Variants in IQGAP2 observed in about 807,000 individuals in gnomAD.
IQGAP2 encodes IQ motif containing GTPase activating protein 2, also known as ras GTPase-activating-like protein IQGAP2.
In IQGAP2, 173 loss-of-function variants were observed where a neutral mutation model predicts 201.3. The observed-to-expected ratio is 0.86, with a 90% CI of 0.76 to 0.98. The LOEUF (loss-of-function observed/expected upper bound fraction) is 0.98, where lower values mean the gene tolerates loss of function less well. IQGAP2 is among the 50% of genes least tolerant of loss of function. IQGAP2 has a pLI of 0.00. For synonymous variants in IQGAP2, 675 were observed against 673.9 expected (o/e 1.00, Z -0.03); for missense variants, 1,687 against 1,864.8 (o/e 0.90, Z 1.76).
Position 76,611,188 on chromosome 5 carries a change from G to T in IQGAP2, c.1521+5G>T. 1 of 1,605,098 alleles carries T rather than the reference G, an allele frequency of 6.2e-7. No homozygotes were observed. The highest frequency in any genetic ancestry group is 8.5e-7 in the Non-Finnish European group (1 of 1,176,206). On this transcript the variant is annotated splice_donor_5th_base_variant and intron_variant, in intron 13 of 35. Transcript: ENST00000274364. ...GCTAAATCACAGAAACTCGGAGTAA[G>T]TTTTAGTATATCTGTTTCTTTTAAA...
chr5:76,447,488 C>T (rs1471089505), intron 1 of IQGAP2, among the ~76,000 whole-genome samples: 1 of 151,692 alleles, frequency 6.6e-6, no homozygotes, highest in East Asian at 2.0e-4. Flanking sequence ...CAAAAACAAA[C>T]AAACAAACAA....
At chr5:76,473,931 T>C (rs1755266442) in intron 2 of IQGAP2, among the ~76,000 whole-genome samples, 1 of 152,204 alleles carries the variant, frequency 6.6e-6, no homozygotes, top group Non-Finnish European at 1.5e-5. Context: ...TAAAACGGTA[T>C]CATTATTCAA....
intron 22 of IQGAP2, among the ~76,000 whole-genome samples, chr5:76,667,793 C>T (rs1743913124): frequency 6.6e-6 from 1 of 151,946 alleles, no homozygotes; most frequent in South Asian, 2.1e-4. Context: ...CTTTTTCTTT[C>T]CAGTCTGACA....
At chr5:76,697,760 T>C (rs553989983) in intron 32 of IQGAP2, among the ~76,000 whole-genome samples, 4 of 152,216 alleles carry the variant, frequency 2.6e-5, no homozygotes, top group Admixed American at 6.5e-5. Flanking sequence ...CAGAGCAAAA[T>C]TAATGTTAAC....
intron 29 of IQGAP2, 32 bp downstream of exon 29, chr5:76,683,249 GT>G: frequency 6.6e-7 from 1 of 1,516,016 alleles, no homozygotes; most frequent in African/African-American, 1.4e-5. Context: ...TTATCCCTTG[GT>G]TTTTGTTTAA....
At chr5:76,417,222 G>A (rs759979660) in intron 1 of IQGAP2, among the ~76,000 whole-genome samples, 58 of 152,192 alleles carry the variant, frequency 3.8e-4, no homozygotes, top group African/African-American at 2.2e-4. Flanking sequence ...GTGTTGAAAC[G>A]GGTTTATCAT....
chr5:76,516,929 T>A (rs559499743), intron 2 of IQGAP2, among the ~76,000 whole-genome samples: 44 of 152,312 alleles, frequency 2.9e-4, no homozygotes, highest in African/African-American at 8.9e-4. Flanking sequence ...AGACACTCCA[T>A]TTGTAAGTAC....
At chr5:76,424,104 T>C (rs1751870895) in intron 1 of IQGAP2, among the ~76,000 whole-genome samples, 1 of 152,188 alleles carries the variant, frequency 6.6e-6, no homozygotes, top group African/African-American at 2.4e-5. Flanking sequence ...ATATCCACTT[T>C]CTATTTTTTG....
Position 76,413,158 on chromosome 5 carries a change from T to C in IQGAP2, c.46+9567T>C, listed in dbSNP as rs1174022373. ...TTTTCTTTTTTCTTTTCTTTTCTCT[T>C]TTTTTTTTTTTTTTTTTTTTTTTTT... is the stretch of plus-strand genomic sequence containing the variant. On this transcript the variant is annotated intron_variant, in intron 1 of 35. Coordinates refer to ENST00000274364, the MANE Select transcript of IQGAP2 (RefSeq NM_006633.5). Among the ~76,000 whole-genome samples, 22 of 15,748 alleles carry C rather than the reference T, an allele frequency of 1.4e-3. 1 individual carries two copies. The highest frequency in any genetic ancestry group is 0.033 in the East Asian group (2 of 60). 10.3% of individuals were successfully genotyped at this position (15,748 alleles called of 152,430 possible).
intron 17 of IQGAP2, among the ~76,000 whole-genome samples, chr5:76,650,655 G>A (rs988023664): frequency 2.6e-5 from 4 of 151,966 alleles, no homozygotes; most frequent in African/African-American, 9.7e-5. Context: ...TAAGTTCTAG[G>A]GTACATGTGC....
At chr5:76,511,596 A>C in intron 2 of IQGAP2, among the ~76,000 whole-genome samples, 1 of 152,186 alleles carries the variant, frequency 6.6e-6, no homozygotes. Flanking sequence ...AGACTGGCAC[A>C]CTGCCTCCTG....
chr5:76,703,358 G>A (rs111692848), intron 35 of IQGAP2, among the ~76,000 whole-genome samples: 2,347 of 152,088 alleles, frequency 0.015, 57 homozygotes, highest in African/African-American at 0.05. Flanking sequence ...GTTTCACCAC[G>A]TTGCCCAGGC....
chr5:76,672,026 G>T (rs749167118), intron 24 of IQGAP2, 43 bp downstream of exon 24: 1 of 1,445,716 alleles, frequency 6.9e-7, no homozygotes, highest in South Asian at 1.2e-5. Flanking sequence ...TATGTTTTAT[G>T]ATATTTTTAC....
At chr5:76,456,891 C>G (rs1264811958) in intron 1 of IQGAP2, among the ~76,000 whole-genome samples, 1 of 151,772 alleles carries the variant, frequency 6.6e-6, no homozygotes. Flanking sequence ...TCAAGGCCAG[C>G]GTGGGTAACA....
intron 2 of IQGAP2, chr5:76,510,862 G>T (rs1757920041): frequency 2.6e-6 from 1 of 391,802 alleles, no homozygotes; most frequent in Non-Finnish European, 5.0e-6. Flanking sequence ...TAGCAGGGAT[G>T]CATTCTCTTT....
At chr5:76,475,984 A>T (rs554984729) in intron 2 of IQGAP2, among the ~76,000 whole-genome samples, 1 of 152,098 alleles carries the variant, frequency 6.6e-6, no homozygotes, top group Non-Finnish European at 1.5e-5. Flanking sequence ...GATGGGAAAG[A>T]TGGAGTGGGG....
intron 30 of IQGAP2, among the ~76,000 whole-genome samples, chr5:76,686,293 A>G (rs1213475174): frequency 6.9e-6 from 1 of 145,084 alleles, no homozygotes; most frequent in African/African-American, 2.6e-5. Context: ...TTTCCGCACA[A>G]ATGTTTTTTT....
chr5:76,640,936 A>G lies in IQGAP2; in HGVS notation c.1927A>G (p.Ile643Val), dbSNP rs1319684663. The G allele has an allele frequency of 6.3e-7, 1 of 1,581,278 alleles. No individual in the cohort carries two copies. The highest frequency in any genetic ancestry group is 1.1e-5 in the South Asian group (1 of 88,540). The change falls in exon 17 of 36, where the codon ATT (isoleucine) becomes GTT (valine). Residue 643 changes from isoleucine (I) to valine (V), a missense_variant. Physicochemically the swap from Ile to Val is conservative, Grantham distance 29. Coordinates refer to ENST00000274364, the MANE Select transcript of IQGAP2 (RefSeq NM_006633.5). ...CATAAGAAATATCTCTTGCCAGGAC[A>G]TTATTGAGGAAGTCACAGTAGGTTA... ...SWLTGKEIED[I>V]IEEVTVGYIR...
chr5:76,572,957 T>C (rs1031833142), intron 4 of IQGAP2, among the ~76,000 whole-genome samples: 2 of 152,230 alleles, frequency 1.3e-5, no homozygotes, highest in African/African-American at 2.4e-5. Flanking sequence ...CTTGAAATGA[T>C]CAGTGTTTAA....
Sources: allele counts gnomAD v4.1 joint callset (sites outside exome capture counted in the v4.1 genomes callset), GRCh38; gene constraint gnomAD v4.1.1; transcripts MANE v1.5; gene names NCBI Gene and HGNC (gene_info 2026-07-23, HGNC 2026-07-21).